Variants in NKAIN2 observed in about 807,000 individuals in gnomAD.
The protein encoded by NKAIN2 is sodium/potassium-transporting ATPase subunit beta-1-interacting protein 2.
NKAIN2 carries 14 observed loss-of-function variants against 32.6 expected under a neutral mutation model. The observed-to-expected ratio is 0.43, with a 90% confidence interval of 0.28 to 0.67. NKAIN2 has a LOEUF of 0.67. NKAIN2 is among the 30% of genes least tolerant of loss of function. The probability of loss-of-function intolerance (pLI) is 0.17; values close to 1 mark genes in which losing one functional copy is unlikely to be tolerated. For missense variants in NKAIN2, 198 were observed against 258.3 expected, an observed-to-expected ratio of 0.77 and a Z score of 1.60; for synonymous variants, 80 against 87.2, an observed-to-expected ratio of 0.92 and a Z score of 0.46.
intron 4 of NKAIN2, among the ~76,000 whole-genome samples, chr6:124,758,600 C>T (rs1231403210): frequency 6.6e-6 from 1 of 152,112 alleles, no homozygotes; most frequent in African/African-American, 2.4e-5. Flanking sequence ...TTGGTTAGGC[C>T]GCAGTTCCCA....
At chr6:124,281,682 T>C (rs1795304666) in intron 1 of NKAIN2, among the ~76,000 whole-genome samples, 1 of 152,196 alleles carries the variant, frequency 6.6e-6, no homozygotes, top group African/African-American at 2.4e-5. Context: ...CAGTGTGCCT[T>C]AGAAAATAGA....
chr6:124,659,218 G>C (rs1299211266), intron 4 of NKAIN2, among the ~76,000 whole-genome samples: 1 of 152,058 alleles, frequency 6.6e-6, no homozygotes, highest in Admixed American at 6.6e-5. Context: ...ATTTTTCTTA[G>C]ATTCTATGTG....
chr6:124,788,485 C>T (rs1168015592), intron 4 of NKAIN2, among the ~76,000 whole-genome samples: 1 of 152,038 alleles, frequency 6.6e-6, no homozygotes, highest in Admixed American at 6.6e-5. Context: ...GTTAAATTGA[C>T]TCACACTTCA....
At chr6:124,575,741 C>G (rs1378290438) in intron 3 of NKAIN2, among the ~76,000 whole-genome samples, 1 of 152,066 alleles carries the variant, frequency 6.6e-6, no homozygotes, top group Non-Finnish European at 1.5e-5. Context: ...AGAAATGAAG[C>G]TCCAGGTGAT....
intron 4 of NKAIN2, among the ~76,000 whole-genome samples, chr6:124,750,217 G>A (rs1484520788): frequency 6.6e-6 from 1 of 151,872 alleles, no homozygotes; most frequent in Non-Finnish European, 1.5e-5. Context: ...CTAAATGTTA[G>A]TTATTCTTTT....
intron 3 of NKAIN2, among the ~76,000 whole-genome samples, chr6:124,399,723 A>G (rs941805598): frequency 5.9e-5 from 9 of 152,198 alleles, no homozygotes; most frequent in Non-Finnish European, 1.0e-4. Context: ...TAGAATTAAA[A>G]GAAGAACAGC....
chr6:124,609,001 C>A (rs973251437), intron 3 of NKAIN2, among the ~76,000 whole-genome samples: 2 of 151,982 alleles, frequency 1.3e-5, no homozygotes, highest in Non-Finnish European at 2.9e-5. Flanking sequence ...TTATTTGTTG[C>A]GGTTTGTTTG....
chr6:123,953,408 G>A (rs1022341552), intron 1 of NKAIN2, among the ~76,000 whole-genome samples: 2 of 152,182 alleles, frequency 1.3e-5, no homozygotes, highest in Non-Finnish European at 2.9e-5. Flanking sequence ...AGGCAGTTTG[G>A]TGGGTTTTCA....
At chr6:124,497,984 A>T (rs1324490686) in intron 3 of NKAIN2, among the ~76,000 whole-genome samples, 1 of 152,132 alleles carries the variant, frequency 6.6e-6, no homozygotes, top group African/African-American at 2.4e-5. Flanking sequence ...AAATTATTAA[A>T]ATGCATATTT....
chr6:124,347,595 T>C (rs1368281145), intron 2 of NKAIN2, among the ~76,000 whole-genome samples: 1 of 152,210 alleles, frequency 6.6e-6, no homozygotes. Context: ...TCATCTTCCG[T>C]CACTGATACC....
chr6:124,615,959 T>A (rs1782871658), intron 3 of NKAIN2, among the ~76,000 whole-genome samples: 1 of 152,172 alleles, frequency 6.6e-6, no homozygotes, highest in African/African-American at 2.4e-5. Context: ...CTGCTAAAAT[T>A]TTCTAAATAT....
intron 3 of NKAIN2, among the ~76,000 whole-genome samples, chr6:124,566,728 A>G (rs1205932538): frequency 2.0e-5 from 3 of 152,192 alleles, no homozygotes; most frequent in Admixed American, 6.5e-5. Flanking sequence ...TGCACTTTAA[A>G]TATTCAAGAA....
At chr6:123,854,058 C>T (rs1775462657) in intron 1 of NKAIN2, among the ~76,000 whole-genome samples, 1 of 152,158 alleles carries the variant, frequency 6.6e-6, no homozygotes, top group African/African-American at 2.4e-5. Flanking sequence ...CAGGCATGAG[C>T]CACCACACCC....
chr6:124,088,742 G>C (rs889764966), intron 1 of NKAIN2, among the ~76,000 whole-genome samples: 1 of 151,910 alleles, frequency 6.6e-6, no homozygotes, highest in Non-Finnish European at 1.5e-5. Context: ...GAGTTGATTT[G>C]CATATGGTAC....
intron 1 of NKAIN2, among the ~76,000 whole-genome samples, chr6:124,222,941 C>T (rs1791907772): frequency 6.6e-6 from 1 of 151,990 alleles, no homozygotes; most frequent in African/African-American, 2.4e-5. Flanking sequence ...GTGAGTGAGA[C>T]AATTTTGAGA....
At chr6:124,492,060 G>A (rs1049705030) in intron 3 of NKAIN2, among the ~76,000 whole-genome samples, 7 of 151,938 alleles carry the variant, frequency 4.6e-5, no homozygotes, top group African/African-American at 1.7e-4. Flanking sequence ...AAAATTGTAA[G>A]AGAATAAAGG....
chr6:124,270,552 A>C (rs1216121333), intron 1 of NKAIN2, among the ~76,000 whole-genome samples: 1 of 152,176 alleles, frequency 6.6e-6, no homozygotes, highest in Non-Finnish European at 1.5e-5. Context: ...TTGCTATGAG[A>C]AAGCAATACC....
At chr6:124,112,645 A>T (rs1785436691) in intron 1 of NKAIN2, among the ~76,000 whole-genome samples, 2 of 152,150 alleles carry the variant, frequency 1.3e-5, no homozygotes. Flanking sequence ...TTCTTTGAAT[A>T]AGTTTTCTGG....
intron 4 of NKAIN2, among the ~76,000 whole-genome samples, chr6:124,779,287 GGC>G (rs1487427368): frequency 2.6e-3 from 303 of 116,448 alleles, no homozygotes; most frequent in Non-Finnish European, 4.6e-3. Flanking sequence ...GAGAGAGGAA[GGC>G]AGGAAGGAGG....
Sources: gnomAD v4.1 joint callset for allele counts (sites outside exome capture counted in the v4.1 genomes callset) on GRCh38, gnomAD v4.1.1 for gene constraint, MANE v1.5 for transcripts, NCBI Gene and HGNC (gene_info 2026-07-23, HGNC 2026-07-21) for gene names.